RARS2: variants seen among roughly 807,000 people sequenced by gnomAD.
RARS2 encodes probable arginine--tRNA ligase, mitochondrial.
Under a neutral mutation model 88.5 loss-of-function variants are expected in RARS2, and 67 were observed. The ratio of observed to expected loss-of-function variants is 0.76; its 90% CI spans 0.62 to 0.93. The LOEUF (loss-of-function observed/expected upper bound fraction) is 0.93. Ranked by LOEUF, RARS2 falls within the 40% of genes least tolerant of loss-of-function variation. The probability of loss-of-function intolerance (pLI) is 0.00; values close to 1 mark genes in which losing one functional copy is unlikely to be tolerated. For synonymous variants in RARS2, 239 were observed against 230.3 expected, an observed-to-expected ratio of 1.04 and a Z score of -0.34; for missense variants, 664 against 684.2, an observed-to-expected ratio of 0.97 and a Z score of 0.33.
intron 2 of RARS2, among the ~76,000 whole-genome samples, chr6:87,566,221 A>G (rs994402324): frequency 6.6e-6 from 1 of 152,238 alleles, no homozygotes; most frequent in Non-Finnish European, 1.5e-5. Flanking sequence ...AATATTGCTA[A>G]AAGCGATATT....
At chr6:87,546,660 T>A (rs1330677599) in intron 6 of RARS2, among the ~76,000 whole-genome samples, 1 of 152,228 alleles carries the variant, frequency 6.6e-6, no homozygotes, top group Non-Finnish European at 1.5e-5. Context: ...GTTATTTATG[T>A]CAGCTTAATC....
rs201053442 is a variant in RARS2, at chr6:87,542,009, C to T, written c.536-15G>A. 1.6e-5 allele frequency: 26 copies of T among 1,602,396 alleles called. No individual in the cohort carries two copies. The African/African-American group carries it at 2.0e-4, about 12-fold the overall frequency. On this transcript the variant is annotated splice_polypyrimidine_tract_variant and intron_variant, in intron 7 of 19. Transcript: ENST00000369536. The stretch of plus-strand genomic sequence containing the variant: ...TCCCAGAAGACCTACCATGATAATC[C>T]GTAAATGAAAAATTATAAAGTTGAA...
chr6:87,544,341 C>A (rs1490741613), intron 7 of RARS2, among the ~76,000 whole-genome samples: 1 of 152,184 alleles, frequency 6.6e-6, no homozygotes, highest in African/African-American at 2.4e-5. Flanking sequence ...TTAACAGGTT[C>A]AAGGTCTACT....
chr6:87,553,485 T>C (rs1784944264), intron 5 of RARS2, among the ~76,000 whole-genome samples: 1 of 152,220 alleles, frequency 6.6e-6, no homozygotes. Context: ...ATCTGATCTG[T>C]CGCAACTATT....
At chr6:87,532,439 G>A (rs1777824867) in intron 8 of RARS2, among the ~76,000 whole-genome samples, 1 of 152,136 alleles carries the variant, frequency 6.6e-6, no homozygotes, top group South Asian at 2.1e-4. Flanking sequence ...TGGGATTTAG[G>A]ACATTCTAAG....
At chr6:87,586,561 AT>A (rs1265689286) in intron 1 of RARS2, among the ~76,000 whole-genome samples, 1 of 152,218 alleles carries the variant, frequency 6.6e-6, no homozygotes, top group Non-Finnish European at 1.5e-5. Flanking sequence ...ACCGGTTTAC[AT>A]CGTTTTCCAA....
At chr6:87,524,160 G>A (rs1774910153) in intron 11 of RARS2, among the ~76,000 whole-genome samples, 2 of 152,108 alleles carry the variant, frequency 1.3e-5, no homozygotes, top group African/African-American at 4.8e-5. Flanking sequence ...CAGAAATAAA[G>A]GTGCTGATAA....
rs1301520760 is a variant in RARS2 at position 87,519,648 on chromosome 6, G to A, written c.1172C>T (p.Thr391Ile). The A allele has an allele frequency of 1.2e-6, 2 of 1,612,772 alleles. No individual in the cohort carries two copies. The highest frequency in any genetic ancestry group is 1.3e-5 in the African/African-American group (1 of 74,926). The stretch of plus-strand genomic sequence containing the variant: ...CTCATTTAAAACATCTTCCAGGAAA[G>A]TGACATCTCCTCTTCGAGTCTTCAT... ...QGMKTRRGDV[T>I]FLEDVLNEIQ... The change falls in exon 14 of 20, where the codon ACT becomes ATT. Residue 391 changes from threonine (T) to isoleucine (I), a missense_variant. Coordinates refer to ENST00000369536, the MANE Select transcript of RARS2 (RefSeq NM_020320.5).
At chr6:87,541,727 G>A (rs906935868) in intron 8 of RARS2, among the ~76,000 whole-genome samples, 191 bp downstream of exon 8, 8 of 152,134 alleles carry the variant, frequency 5.3e-5, no homozygotes, top group Non-Finnish European at 1.2e-4. Flanking sequence ...GGGAGGCTGA[G>A]GCATGAGAAT....
intron 8 of RARS2, among the ~76,000 whole-genome samples, chr6:87,535,992 C>A (rs537389661): frequency 6.6e-6 from 1 of 151,994 alleles, no homozygotes; most frequent in Admixed American, 6.6e-5. Flanking sequence ...GCCTATGTAA[C>A]CTTTTTTAAT....
intron 8 of RARS2, among the ~76,000 whole-genome samples, chr6:87,540,896 GCA>G (rs1213981159): frequency 6.6e-6 from 1 of 151,816 alleles, no homozygotes; most frequent in Non-Finnish European, 1.5e-5. Flanking sequence ...AATGGAAAAA[GCA>G]CACACAATTT....
intron 5 of RARS2, among the ~76,000 whole-genome samples, chr6:87,552,430 G>C (rs533952327): frequency 2.6e-5 from 4 of 152,270 alleles, no homozygotes; most frequent in Admixed American, 2.0e-4. Flanking sequence ...CATGTGAACT[G>C]TCAGAGGCAA....
chr6:87,521,807 A>T (rs927367048), intron 11 of RARS2, among the ~76,000 whole-genome samples: 6 of 151,998 alleles, frequency 3.9e-5, no homozygotes, highest in Non-Finnish European at 8.8e-5. Context: ...AGTAGTAATA[A>T]CAACTAAAAT....
chr6:87,554,934 C>G (rs1411232823), intron 5 of RARS2, among the ~76,000 whole-genome samples: 2 of 151,800 alleles, frequency 1.3e-5, no homozygotes, highest in African/African-American at 4.8e-5. Context: ...AACCCTGTCT[C>G]TACTAAAAAT....
At chr6:87,584,043 A>G (rs1234080723) in intron 1 of RARS2, among the ~76,000 whole-genome samples, 2 of 152,186 alleles carry the variant, frequency 1.3e-5, no homozygotes, top group Non-Finnish European at 2.9e-5. Flanking sequence ...TTTGTTCTGG[A>G]CTATCTTTCA....
intron 5 of RARS2, 79 bp downstream of exon 5, chr6:87,555,329 C>T (rs1013718058): frequency 1.3e-5 from 14 of 1,077,500 alleles, no homozygotes; most frequent in Non-Finnish European, 1.7e-5. Flanking sequence ...TTTATTAAGA[C>T]CCCCAAATAA....
In RARS2 at chr6:87,518,693, C is replaced by T. The variant is rs374214191; in HGVS notation, c.1352G>A (p.Arg451His). The change falls in exon 16 of 20, where the codon CGT becomes CAT. Residue 451 changes from arginine to histidine, a missense_variant. Transcript: ENST00000369536. ...TGTGTCCCCGCGACTCTGGAAAACA[C>T]GATCCCAGCTGAACTTGTAGTCAGA... ...LLSDYKFSWD[R>H]VFQSRGDTGV... The T allele has an allele frequency of 1.4e-5, 22 of 1,613,934 alleles. No individual in the cohort carries two copies. Among genetic ancestry groups the T allele is most frequent in the Admixed American group, 5.0e-5 (3 of 59,994 alleles).
chr6:87,527,291 C>G (rs1776068358), intron 10 of RARS2, among the ~76,000 whole-genome samples: 1 of 152,012 alleles, frequency 6.6e-6, no homozygotes, highest in South Asian at 2.1e-4. Flanking sequence ...CCTGGTGATA[C>G]AGTGAGACCC....
chr6:87,538,320 A>G (rs1307161985), intron 8 of RARS2, among the ~76,000 whole-genome samples: 1 of 152,180 alleles, frequency 6.6e-6, no homozygotes, highest in Non-Finnish European at 1.5e-5. Flanking sequence ...ACACTAATGA[A>G]AGCAACACCA....
Sources: gnomAD v4.1 joint callset for allele counts (sites outside exome capture counted in the v4.1 genomes callset) on GRCh38, gnomAD v4.1.1 for gene constraint, MANE v1.5 for transcripts, NCBI Gene and HGNC (gene_info 2026-07-23, HGNC 2026-07-21) for gene names.